Variants in RAB27B observed in about 807,000 individuals in gnomAD.
RAB27B encodes RAB27B, member RAS oncogene family.
RAB27B carries 15 observed loss-of-function variants against 24.6 expected under a neutral mutation model. The ratio of observed to expected loss-of-function variants is 0.61; its 90% CI spans 0.41 to 0.94. The LOEUF (loss-of-function observed/expected upper bound fraction) is 0.94, where lower values mean the gene tolerates loss of function less well. Among genes scored for constraint, RAB27B ranks in the 40% least tolerant of loss-of-function variants. The probability of loss-of-function intolerance (pLI) is 0.00; values close to 1 mark genes in which losing one functional copy is unlikely to be tolerated. For missense variants in RAB27B, 261 were observed against 266.8 expected (o/e 0.98, Z 0.15); for synonymous variants, 105 against 92.5 (o/e 1.14, Z -0.78).
At chr18:54,801,991 C>T (rs1168887269) in intron 2 of RAB27B, among the ~76,000 whole-genome samples, 2 of 152,146 alleles carry the variant, frequency 1.3e-5, no homozygotes, top group African/African-American at 4.8e-5. Context: ...TTGCAGAATA[C>T]ATAGGCCAGA....
intron 1 of RAB27B, among the ~76,000 whole-genome samples, chr18:54,835,280 C>T (rs983356151): frequency 2.0e-5 from 3 of 151,868 alleles, no homozygotes; most frequent in African/African-American, 7.3e-5. Flanking sequence ...CTTGGAGTAA[C>T]TTAAGCCTCT....
At chr18:54,736,490 A>AT (rs1439020239) in intron 2 of RAB27B, among the ~76,000 whole-genome samples, 1 of 152,168 alleles carries the variant, frequency 6.6e-6, no homozygotes, top group Non-Finnish European at 1.5e-5. Flanking sequence ...AAGGCTATTA[A>AT]TAGCTATTAG....
chr18:54,737,119 T>TG lies in RAB27B; in HGVS notation c.-20+18980dup, dbSNP rs1332355006. Among the ~76,000 whole-genome samples the TG allele has an allele frequency of 1.7e-4, 26 of 150,634 alleles. No homozygotes were observed. In the Admixed American group the frequency reaches 1.7e-3, roughly 10 times the overall value. ...CAATTGCTCAAAATGATTCTCTCTG[T>TG]GGAAAAAAAAACTACTTACATAGTC... On this transcript the variant is annotated intron_variant, in intron 2 of 4. Transcript: ENST00000586570.
intron 3 of RAB27B, among the ~76,000 whole-genome samples, chr18:54,881,728 A>C (rs904499046): frequency 3.3e-5 from 5 of 152,100 alleles, no homozygotes; most frequent in Admixed American, 2.0e-4. Context: ...CCGTGGGGGA[A>C]ATGGGGGATA....
At chr18:54,792,149 T>C (rs148018290) in intron 2 of RAB27B, among the ~76,000 whole-genome samples, 1 of 152,282 alleles carries the variant, frequency 6.6e-6, no homozygotes, top group African/African-American at 2.4e-5. Flanking sequence ...AGAGACCCTG[T>C]AACACATGCC....
intron 4 of RAB27B, among the ~76,000 whole-genome samples, chr18:54,887,252 A>G (rs965218279): frequency 3.9e-5 from 6 of 151,906 alleles, no homozygotes; most frequent in Admixed American, 3.9e-4. Context: ...TCCTAAAGGA[A>G]AAAACAAATT....
At chr18:54,795,344 T>C (rs1909382517) in intron 2 of RAB27B, among the ~76,000 whole-genome samples, 1 of 152,142 alleles carries the variant, frequency 6.6e-6, no homozygotes, top group African/African-American at 2.4e-5. Context: ...GTTACCGAAA[T>C]GCCAAGGGTT....
intron 2 of RAB27B, among the ~76,000 whole-genome samples, chr18:54,812,256 A>G (rs8092503): frequency 0.23 from 34,651 of 151,970 alleles, 4,220 homozygotes; most frequent in East Asian, 0.41. Context: ...ACAGAAATGA[A>G]TGAAGGATTT....
chr18:54,721,968 C>T (rs1334648297), intron 2 of RAB27B, among the ~76,000 whole-genome samples: 1 of 152,162 alleles, frequency 6.6e-6, no homozygotes, highest in African/African-American at 2.4e-5. Context: ...CATTCTGTGT[C>T]ATTCTGAAAC....
At chr18:54,852,654 C>T (rs1911632189) in intron 1 of RAB27B, among the ~76,000 whole-genome samples, 1 of 152,062 alleles carries the variant, frequency 6.6e-6, no homozygotes, top group Non-Finnish European at 1.5e-5. Context: ...CCTTGGATCA[C>T]CTGAGCATGA....
intron 2 of RAB27B, among the ~76,000 whole-genome samples, chr18:54,803,454 T>G (rs1020791313): frequency 3.9e-5 from 6 of 152,068 alleles, no homozygotes; most frequent in Admixed American, 3.9e-4. Flanking sequence ...GCAGTTTGCA[T>G]TTGTGTTTTC....
intron 3 of RAB27B, among the ~76,000 whole-genome samples, chr18:54,882,140 T>A (rs1294169128): frequency 6.6e-6 from 1 of 152,144 alleles, no homozygotes; most frequent in East Asian, 1.9e-4. Context: ...TGCTCTACAG[T>A]TTTAGATCAT....
intron 2 of RAB27B, among the ~76,000 whole-genome samples, chr18:54,720,428 C>T (rs530927659): frequency 3.9e-5 from 6 of 152,186 alleles, no homozygotes; most frequent in Admixed American, 1.3e-4. Flanking sequence ...ACCGATTTCA[C>T]CAACAGCAGT....
At chr18:54,796,126 G>T (rs879308891) in intron 2 of RAB27B, among the ~76,000 whole-genome samples, 1 of 152,146 alleles carries the variant, frequency 6.6e-6, no homozygotes. Context: ...TGTGACAGGG[G>T]TGGCTCGCTC....
chr18:54,811,796 T>A (rs144137788), intron 2 of RAB27B, among the ~76,000 whole-genome samples: 2 of 152,354 alleles, frequency 1.3e-5, no homozygotes, highest in East Asian at 3.9e-4. Context: ...TCTTTGCAGC[T>A]TTCTTATTTA....
intron 2 of RAB27B, among the ~76,000 whole-genome samples, chr18:54,747,489 T>C (rs1910289913): frequency 6.6e-6 from 1 of 152,126 alleles, no homozygotes; most frequent in African/African-American, 2.4e-5. Flanking sequence ...ATATGAATTG[T>C]GAATTGAGAA....
intron 2 of RAB27B, among the ~76,000 whole-genome samples, chr18:54,721,617 C>T (rs1171665714): frequency 2.6e-5 from 4 of 152,114 alleles, no homozygotes; most frequent in Non-Finnish European, 5.9e-5. Flanking sequence ...CCCCCTTGCA[C>T]AGTTTCCATC....
At chr18:54,749,995 A>G (rs552546524) in intron 2 of RAB27B, among the ~76,000 whole-genome samples, 2 of 152,326 alleles carry the variant, frequency 1.3e-5, no homozygotes, top group South Asian at 2.1e-4. Context: ...TGAATGGCTC[A>G]TCATTGATAT....
intron 2 of RAB27B, among the ~76,000 whole-genome samples, chr18:54,812,211 A>G (rs1372810723): frequency 1.3e-5 from 2 of 152,206 alleles, no homozygotes; most frequent in Non-Finnish European, 2.9e-5. Flanking sequence ...ACAGAATTTT[A>G]GAATCTGGGT....
Sources: gnomAD v4.1 joint callset for allele counts (sites outside exome capture counted in the v4.1 genomes callset) on GRCh38, gnomAD v4.1.1 for gene constraint, MANE v1.5 for transcripts, NCBI Gene and HGNC (gene_info 2026-07-23, HGNC 2026-07-21) for gene names.